ACP7: variants seen among roughly 807,000 people sequenced by gnomAD.
ACP7 encodes acid phosphatase 7, tartrate resistant (putative).
In ACP7, 58 loss-of-function variants were observed where a neutral mutation model predicts 60.6. The observed-to-expected ratio is 0.96, with a 90% confidence interval of 0.77 to 1.19. The LOEUF is 1.19. ACP7 is among the 50% of genes most tolerant of loss of function. ACP7 has a pLI of 0.00. For synonymous variants in ACP7, 237 were observed against 232.6 expected (o/e 1.02, Z -0.17); for missense variants, 574 against 596.2 (o/e 0.96, Z 0.39).
chr19:39,098,737 G>T, intron 3 of ACP7, 79 bp downstream of exon 3: 1 of 1,458,152 alleles, frequency 6.9e-7, no homozygotes, highest in Non-Finnish European at 9.2e-7. Flanking sequence ...ACCACTGGCC[G>T]GTGGCTCAGG....
At chr19:39,094,891 T>C (rs144061066) in intron 2 of ACP7, among the ~76,000 whole-genome samples, 2 of 152,284 alleles carry the variant, frequency 1.3e-5, no homozygotes, top group Admixed American at 6.5e-5. Context: ...AGGCACTTCT[T>C]ACATGGTGGT....
In ACP7 at chr19:39,101,356, G is replaced by C; in HGVS notation, c.1041+1G>C. On this transcript the variant is annotated splice_donor_variant, in intron 10 of 12. Coordinates refer to ENST00000331256, the MANE Select transcript of ACP7 (RefSeq NM_001004318.3). LOFTEE classifies it high-confidence loss of function. ...ACTGTGGCCAATTTACAACTACCAG[G>C]TGAGGCACGTGAAGGGCTGAGCGCC... is the stretch of plus-strand genomic sequence containing the variant. 5 of 1,614,182 alleles carry C rather than the reference G, an allele frequency of 3.1e-6. No homozygotes were observed. Among genetic ancestry groups the C allele is most frequent in the Non-Finnish European group, 3.4e-6 (4 of 1,180,038 alleles).
intron 1 of ACP7, among the ~76,000 whole-genome samples, chr19:39,084,819 G>T (rs1475121192): frequency 6.6e-6 from 1 of 152,044 alleles, no homozygotes; most frequent in Non-Finnish European, 1.5e-5. Flanking sequence ...AGCACTGAGA[G>T]TGAGCTCTGG....
rs1417468558 is a variant in ACP7 at position 39,106,936 on chromosome 19, C to T, written c.1114-11C>T. The T allele has an allele frequency of 1.2e-6, 2 of 1,613,220 alleles. No individual in the cohort carries two copies. The highest frequency in any genetic ancestry group is 1.7e-6 in the Non-Finnish European group (2 of 1,179,696). On this transcript the variant is annotated splice_polypyrimidine_tract_variant and intron_variant, in intron 11 of 12. Transcript: ENST00000331256. Reference sequence around the variant, plus strand: ...ACCTGCTCTGGGTCTGATCAGTTCTCCCCGCCCCAGGGCTGTGAGGAGCGG... The same window carrying T: ...ACCTGCTCTGGGTCTGATCAGTTCTTCCCGCCCCAGGGCTGTGAGGAGCGG...
At chr19:39,088,403 G>A (rs971077053) in intron 2 of ACP7, among the ~76,000 whole-genome samples, 1 of 152,190 alleles carries the variant, frequency 6.6e-6, no homozygotes, top group Admixed American at 6.5e-5. Flanking sequence ...TGCCAGCCTA[G>A]TGACCTTGGA....
Position 39,098,515 on chromosome 19 carries a change from T to C in ACP7, c.179T>C (p.Val60Ala), listed in dbSNP as rs763856991. ...ACATGGGTCCCAACCCGCTCTGAAG[T>C]GCAATTCGGGTTGCAGCCGTCGGGG... Reference protein sequence around the residue: ...WTTWVPTRSEVQFGLQPSGPL... With the variant: ...WTTWVPTRSEAQFGLQPSGPL... The change falls in exon 3 of 13, where the codon GTG becomes GCG. Residue 60 changes from valine (V) to alanine (A), a missense_variant. By Grantham distance (64) the Val-to-Ala change is moderately conservative. Coordinates refer to ENST00000331256, the MANE Select transcript of ACP7 (RefSeq NM_001004318.3). 3 of 1,609,962 alleles carry C rather than the reference T, an allele frequency of 1.9e-6. No individual in the cohort carries two copies. Among genetic ancestry groups the C allele is most frequent in the Admixed American group, 1.7e-5 (1 of 59,522 alleles).
rs1202696685 is a variant in ACP7 at position 39,093,811 on chromosome 19, T to C, written c.122-4647T>C. On this transcript the variant is annotated intron_variant, in intron 2 of 12. Coordinates refer to ENST00000331256, the MANE Select transcript of ACP7 (RefSeq NM_001004318.3). ...AACAGAGACACCTGCATATTTTCTA[T>C]ACCCCCTTACATTAAGGGCAGCTAA... is the stretch of plus-strand genomic sequence containing the variant. Among the ~76,000 whole-genome samples the C allele has an allele frequency of 2.6e-5, 4 of 152,202 alleles. No homozygotes were observed. The East Asian group carries it at 5.8e-4, about 22-fold the overall frequency.
chr19:39,098,824 A>G, intron 3 of ACP7, 136 bp from the exon 4 acceptor site: 1 of 1,385,478 alleles, frequency 7.2e-7, no homozygotes, highest in East Asian at 2.4e-5. Flanking sequence ...GTGCCGGGGA[A>G]GGCAGACCGA....
At chr19:39,099,265 G>A in intron 4 of ACP7, 123 bp downstream of exon 4, 1 of 1,137,638 alleles carries the variant, frequency 8.8e-7, no homozygotes, top group Non-Finnish European at 1.2e-6. Flanking sequence ...GGACAGGGCT[G>A]GGGCCAGTGT....
intron 2 of ACP7, among the ~76,000 whole-genome samples, chr19:39,085,647 C>A (rs1210181100): frequency 6.6e-6 from 1 of 152,206 alleles, no homozygotes; most frequent in East Asian, 1.9e-4. Context: ...TTGTTCATTG[C>A]ATCTCTGTTG....
At chr19:39,102,767 C>CTTTCTTTCTTTCTTTCTT (rs754172891) in intron 11 of ACP7, among the ~76,000 whole-genome samples, 1,012 of 100,996 alleles carry the variant, frequency 0.01, 12 homozygotes, top group East Asian at 0.013. Flanking sequence ...TTCTTTCTTT[C>CTTTCTTTCTTTCTTTCTT]TCTCTCTCTC....
In ACP7 at chr19:39,101,528, A is replaced by G. The variant is rs201759382; in HGVS notation, c.1104A>G (p.Thr368=). The change falls in exon 11 of 13, where the codon ACA becomes ACG. Residue 368 remains threonine, a synonymous_variant. Transcript: ENST00000331256. ...TNPRGPVHII[T]GSAGCEERLT... is the part of the protein sequence containing the mutation. The stretch of plus-strand genomic sequence containing the variant: ...CGCGAGGGCCTGTCCACATCATCAC[A>G]GGATCTGCTGTGAGCAGGGGGAAGG... 101 of 1,613,972 alleles carry G rather than the reference A, an allele frequency of 6.3e-5. No homozygotes were observed. The East Asian group carries it at 2.2e-3, about 35-fold the overall frequency.
At chr19:39,085,964 T>C (rs1448296401) in intron 2 of ACP7, among the ~76,000 whole-genome samples, 1 of 152,088 alleles carries the variant, frequency 6.6e-6, no homozygotes, top group Non-Finnish European at 1.5e-5. Context: ...AGTCTCCTCA[T>C]CTGGATAATG....
At chr19:39,106,399 T>G (rs1056647334) in intron 11 of ACP7, among the ~76,000 whole-genome samples, 1 of 152,208 alleles carries the variant, frequency 6.6e-6, no homozygotes, top group Non-Finnish European at 1.5e-5. Flanking sequence ...TTCAGGGCTT[T>G]CACTGTAATG....
At chr19:39,094,604 C>T (rs531858284) in intron 2 of ACP7, among the ~76,000 whole-genome samples, 1 of 151,950 alleles carries the variant, frequency 6.6e-6, no homozygotes, top group East Asian at 1.9e-4. Flanking sequence ...GGGAGGGTTG[C>T]TCAAGTCCAG....
chr19:39,085,811 G>GA (rs2073135232), intron 2 of ACP7, among the ~76,000 whole-genome samples: 1 of 152,136 alleles, frequency 6.6e-6, no homozygotes, highest in African/African-American at 2.4e-5. Flanking sequence ...ACTGCCTCCC[G>GA]ATCTTTGATT....
Position 39,087,301 on chromosome 19 carries a change from C to T in ACP7, c.121+1911C>T, listed in dbSNP as rs78209973. 3.8e-3 allele frequency among the ~76,000 whole-genome samples: 585 copies of T among 152,228 alleles called. 2 individuals are homozygous for T. The highest frequency in any genetic ancestry group is 0.013 in the African/African-American group (552 of 41,520). On this transcript the variant is annotated intron_variant, in intron 2 of 12. Coordinates refer to ENST00000331256, the MANE Select transcript of ACP7 (RefSeq NM_001004318.3). ...TGCTGGGATTACAGACATGAGCCAC[C>T]GCGCCCCGCCTAAAATCTCTTTAGT...
At chr19:39,103,361 C>A (rs2073376512) in intron 11 of ACP7, among the ~76,000 whole-genome samples, 1 of 150,508 alleles carries the variant, frequency 6.6e-6, no homozygotes, top group Non-Finnish European at 1.5e-5. Context: ...CCAGCTTTGG[C>A]CATCAGTGGG....
chr19:39,110,456 A>C lies in ACP7; in HGVS notation c.*338A>C. ...AGAGGCTTAAGCTCTGGCTCCATGG[A>C]TTCTGCACATCTGCGGGGGATGCCG... is the stretch of plus-strand genomic sequence containing the variant. On this transcript the variant is annotated 3_prime_UTR_variant, in exon 13 of 13. Transcript: ENST00000331256. 1 of 226,128 alleles carries C rather than the reference A, an allele frequency of 4.4e-6. No individual in the cohort carries two copies. 14.0% of individuals were successfully genotyped at this position (226,128 alleles called of 1,614,324 possible). A position where few individuals can be genotyped will look rare whatever the true frequency, so the allele number is the denominator to read the frequency against.
Sources: allele counts gnomAD v4.1 joint callset (sites outside exome capture counted in the v4.1 genomes callset), GRCh38; gene constraint gnomAD v4.1.1; transcripts MANE v1.5; gene names NCBI Gene and HGNC (gene_info 2026-07-23, HGNC 2026-07-21).